ZNF589: variants seen among roughly 807,000 people sequenced by gnomAD.
The protein encoded by ZNF589 is KRAB-zinc finger protein SZF1-1.
A neutral mutation model predicts 13.6 loss-of-function variants in ZNF589; 17 were observed. That is an observed-to-expected ratio of 1.25 (90% CI 0.86 to 1.88). The LOEUF (loss-of-function observed/expected upper bound fraction) is 1.88, where lower values mean the gene tolerates loss of function less well. Ranked by LOEUF, ZNF589 falls within the 40% of genes most tolerant of loss-of-function variation. The probability of loss-of-function intolerance (pLI) is 0.00; values close to 1 mark genes in which losing one functional copy is unlikely to be tolerated. For missense variants in ZNF589, 407 were observed against 434.0 expected (o/e 0.94, Z 0.55); for synonymous variants, 148 against 161.6 (o/e 0.92, Z 0.64).
Position 48,268,172 on chromosome 3 carries a change from AG to A in ZNF589, c.487del (p.Ala163LeufsTer2), listed in dbSNP as rs756943176. 2.5e-6 allele frequency: 4 copies of A among 1,612,784 alleles called. No individual in the cohort carries two copies. The highest frequency in any genetic ancestry group is 2.5e-6 in the Non-Finnish European group (3 of 1,179,314). On this transcript the variant is annotated frameshift_variant, in exon 4 of 4. Coordinates refer to ENST00000354698, the MANE Select transcript of ZNF589 (RefSeq NM_016089.3). LOFTEE classifies it low-confidence loss of function (END_TRUNC). Reference sequence around the variant, plus strand: ...ACCCTTGTTTTGGAGTACAAATGAAAGGGGGGCTTTAGTGGGTTTCTCTAGC... The same window carrying A: ...ACCCTTGTTTTGGAGTACAAATGAAAGGGGGCTTTAGTGGGTTTCTCTAGC... ...VRPLFWSTNE[R>X]GALVGFSSLF...
At chr3:48,249,224 T>C (rs1308865652) in intron 2 of ZNF589, among the ~76,000 whole-genome samples, 1 of 151,986 alleles carries the variant, frequency 6.6e-6, no homozygotes, top group Non-Finnish European at 1.5e-5. Context: ...TGCCTCAGCC[T>C]CCTGAGTAGC....
In ZNF589 at chr3:48,269,338, A is replaced by C; in HGVS notation, c.*552A>C. The C allele has an allele frequency of 1.6e-6, 2 of 1,230,678 alleles. No individual in the cohort carries two copies. Among genetic ancestry groups the C allele is most frequent in the Non-Finnish European group, 2.3e-6 (2 of 877,612 alleles). 76.2% of individuals were successfully genotyped at this position (1,230,678 alleles called of 1,614,324 possible). On this transcript the variant is annotated 3_prime_UTR_variant, in exon 4 of 4. Transcript: ENST00000354698. The stretch of plus-strand genomic sequence containing the variant: ...CAACCCTCCACTACCACCGGAGTAC[A>C]CACTCCAAGGAAAAACCTTATGTGT...
Position 48,270,514 on chromosome 3 carries a change from C to T in ZNF589, c.*1728C>T, listed in dbSNP as rs989256724. 1 of 351,888 alleles carries T rather than the reference C, an allele frequency of 2.8e-6. No homozygotes were observed. The highest frequency in any genetic ancestry group is 3.8e-5 in the Admixed American group (1 of 26,054). The allele number at this position is 351,888 out of a possible 1,614,324, so 21.8% of individuals were successfully genotyped here. ...CAGGGCCTTTAGCCATTTGTCTCTC[C>T]TCACACTCCAGGGCCCATATGGCCC... On this transcript the variant is annotated 3_prime_UTR_variant, in exon 4 of 4. Transcript: ENST00000354698.
chr3:48,247,554 A>G lies in ZNF589; in HGVS notation c.44-71A>G. The G allele has an allele frequency of 1.9e-6, 3 of 1,576,800 alleles. No homozygotes were observed. In the South Asian group the frequency reaches 3.4e-5, roughly 18 times the overall value. On this transcript the variant is annotated intron_variant, in intron 1 of 3. Transcript: ENST00000354698. Reference sequence around the variant, plus strand: ...TCAGGTGGCCACAGCCAAGGCTCAGAGGGCTCTTGGGGATCCTCATGATGG... The same window carrying G: ...TCAGGTGGCCACAGCCAAGGCTCAGGGGGCTCTTGGGGATCCTCATGATGG...
rs562983098 is a variant in ZNF589, at chr3:48,270,042, C to T, written c.*1256C>T. On this transcript the variant is annotated 3_prime_UTR_variant, in exon 4 of 4. Transcript: ENST00000354698. ...TTCTGAGAGCAGAGGTGTCAAGTGA[C>T]GGTCCCCTTGGAGGAATGGTCTTTG... 6.3e-5 allele frequency: 29 copies of T among 457,290 alleles called. No individual in the cohort carries two copies. In the East Asian group the frequency reaches 1.5e-3, roughly 24 times the overall value. 28.3% of individuals were successfully genotyped at this position (457,290 alleles called of 1,614,324 possible).
rs1400303444 is a variant in ZNF589, at chr3:48,269,761, T to C, written c.*975T>C. The C allele has an allele frequency of 5.8e-6, 2 of 342,378 alleles. No homozygotes were observed. Among genetic ancestry groups the C allele is most frequent in the Non-Finnish European group, 1.1e-5 (2 of 174,138 alleles). 21.2% of individuals were successfully genotyped at this position (342,378 alleles called of 1,614,324 possible). A position where few individuals can be genotyped will look rare whatever the true frequency, so the allele number is the denominator to read the frequency against. Reference sequence around the variant, plus strand: ...CATCAGCCACACCAGCGGAAATGCTTAGGGAGAAGCCTTGTTTGTAAGGTA... The same window carrying C: ...CATCAGCCACACCAGCGGAAATGCTCAGGGAGAAGCCTTGTTTGTAAGGTA... On this transcript the variant is annotated 3_prime_UTR_variant, in exon 4 of 4. Transcript: ENST00000354698.
rs768867547 is a variant in ZNF589 at position 48,268,263 on chromosome 3, C to T, written c.572C>T (p.Pro191Leu). 1.2e-6 allele frequency: 2 copies of T among 1,609,742 alleles called. No homozygotes were observed. The highest frequency in any genetic ancestry group is 2.2e-5 in the East Asian group (1 of 44,864). ...GNRILEIQLS[P>L]AQNASSEEVD... ...AGAATATTAGAGATACAGCTCAGTC[C>T]AGCCCAGAATGCAAGCTCTGAGGAA... Residue 191 changes from proline to leucine, a missense_variant, in exon 4 of 4, where the codon CCA becomes CTA. Coordinates refer to ENST00000354698, the MANE Select transcript of ZNF589 (RefSeq NM_016089.3).
In ZNF589 at chr3:48,268,125, A is replaced by G. The variant is rs772626678; in HGVS notation, c.434A>G (p.Gln145Arg). 15 of 1,614,234 alleles carry G rather than the reference A, an allele frequency of 9.3e-6. No individual in the cohort carries two copies. Among genetic ancestry groups the G allele is most frequent in the Non-Finnish European group, 1.3e-5 (15 of 1,180,026 alleles). ...KNHRGAEAEDQRVEGGVRPLF... is the reference protein window; with the variant it reads ...KNHRGAEAEDRRVEGGVRPLF... ...CACAGGGGGGCTGAAGCAGAAGATC[A>G]ACGAGTGGAAGGAGGCGTCAGACCC... Residue 145 changes from glutamine (Q) to arginine (R), a missense_variant, in exon 4 of 4, where the codon CAA becomes CGA. Physicochemically the swap from Gln to Arg is conservative, Grantham distance 43 (BLOSUM62 1). Coordinates refer to ENST00000354698, the MANE Select transcript of ZNF589 (RefSeq NM_016089.3).
chr3:48,262,281 C>T (rs753099461), intron 3 of ZNF589, among the ~76,000 whole-genome samples: 1 of 152,152 alleles, frequency 6.6e-6, no homozygotes, highest in Non-Finnish European at 1.5e-5. Flanking sequence ...CCTTTACCTT[C>T]TGGGTTCAAG....
intron 2 of ZNF589, among the ~76,000 whole-genome samples, chr3:48,249,189 G>A (rs553887941): frequency 2.7e-5 from 4 of 150,002 alleles, no homozygotes; most frequent in African/African-American, 4.9e-5. Flanking sequence ...TGCAACCTCC[G>A]CCTCCTGGAT....
Position 48,270,578 on chromosome 3 carries a change from T to C in ZNF589, c.*1792T>C, listed in dbSNP as rs944652534. The stretch of plus-strand genomic sequence containing the variant: ...TTGCCTTACTCCCTTGGGCTGGGGC[T>C]AGCCCTACCTGATACCCTGTGTCAA... On this transcript the variant is annotated 3_prime_UTR_variant, in exon 4 of 4. Coordinates refer to ENST00000354698, the MANE Select transcript of ZNF589 (RefSeq NM_016089.3). 1 of 297,668 alleles carries C rather than the reference T, an allele frequency of 3.4e-6. No homozygotes were observed. Among genetic ancestry groups the C allele is most frequent in the African/African-American group, 2.2e-5 (1 of 46,076 alleles). The allele number at this position is 297,668 out of a possible 1,614,324, so 18.4% of individuals were successfully genotyped here. A position where few individuals can be genotyped will look rare whatever the true frequency, so the allele number is the denominator to read the frequency against.
chr3:48,248,885 G>A (rs544103090), intron 2 of ZNF589, among the ~76,000 whole-genome samples: 78 of 152,208 alleles, frequency 5.1e-4, no homozygotes, highest in Admixed American at 1.2e-3. Flanking sequence ...CATTAAATTC[G>A]CGTAGCTTCA....
intron 2 of ZNF589, among the ~76,000 whole-genome samples, chr3:48,252,095 T>C (rs79116108): frequency 6.6e-6 from 1 of 152,036 alleles, no homozygotes; most frequent in South Asian, 2.1e-4. Context: ...TTCTGCTCCA[T>C]TGAACTCTTC....
At chr3:48,264,993 A>G (rs1431088057) in intron 3 of ZNF589, among the ~76,000 whole-genome samples, 2 of 151,802 alleles carry the variant, frequency 1.3e-5, no homozygotes, top group African/African-American at 4.8e-5. Context: ...TTTTTTTGAG[A>G]CAGAGTCTTG....
rs980674119 is a variant in ZNF589, at chr3:48,267,886, T to C, written c.224-29T>C. The stretch of plus-strand genomic sequence containing the variant: ...GAGCCCAGTCAGCCCTTCCTATGAC[T>C]CTTCTGACTGGAAACTTTCTTTCTT... On this transcript the variant is annotated intron_variant, in intron 3 of 3. Transcript: ENST00000354698. 3.2e-6 allele frequency: 5 copies of C among 1,576,272 alleles called. No individual in the cohort carries two copies. The Admixed American group carries it at 8.9e-5, about 28-fold the overall frequency.
At chr3:48,242,977 G>T (rs1017061940) in intron 1 of ZNF589, among the ~76,000 whole-genome samples, 9 of 151,980 alleles carry the variant, frequency 5.9e-5, no homozygotes, top group African/African-American at 9.7e-5. Flanking sequence ...TGAGGCTGAG[G>T]CGCAAGAATT....
At chr3:48,244,752 C>G (rs927982524) in intron 1 of ZNF589, among the ~76,000 whole-genome samples, 1 of 151,684 alleles carries the variant, frequency 6.6e-6, no homozygotes, top group African/African-American at 2.4e-5. Context: ...GCCTAATTCC[C>G]CACAGTAACT....
At chr3:48,241,301 C>G (rs548014161) in intron 1 of ZNF589, 87 bp downstream of exon 1, 1 of 1,523,714 alleles carries the variant, frequency 6.6e-7, no homozygotes. Flanking sequence ...ACCAGGGATG[C>G]GCGTGGGGTG....
Position 48,251,744 on chromosome 3 carries a change from T to C in ZNF589, c.96+4067T>C, listed in dbSNP as rs1023225365. 2.6e-5 allele frequency among the ~76,000 whole-genome samples: 4 copies of C among 152,180 alleles called. No individual in the cohort carries two copies. The South Asian group carries it at 6.2e-4, about 24-fold the overall frequency. ...TCATTGAATTCCTTTGATACTTTTG[T>C]TAAAAATCAATTGTGGGGCCAGGCA... On this transcript the variant is annotated intron_variant, in intron 2 of 3. Transcript: ENST00000354698.
Sources: allele counts gnomAD v4.1 joint callset (sites outside exome capture counted in the v4.1 genomes callset), GRCh38; gene constraint gnomAD v4.1.1; transcripts MANE v1.5; gene names NCBI Gene and HGNC (gene_info 2026-07-23, HGNC 2026-07-21).